MINK1: variants seen among roughly 807,000 people sequenced by gnomAD.
MINK1 encodes the protein misshapen like kinase 1.
Under a neutral mutation model 178.4 loss-of-function variants are expected in MINK1, and 46 were observed. That is an observed-to-expected ratio of 0.26 (90% CI 0.20 to 0.33). The LOEUF is 0.33. Among genes scored for constraint, MINK1 ranks in the 10% least tolerant of loss-of-function variants. The probability of loss-of-function intolerance (pLI) is 1.00; values close to 1 mark genes in which losing one functional copy is unlikely to be tolerated. For missense variants in MINK1, 1,366 were observed against 1,814.9 expected, an observed-to-expected ratio of 0.75 and a Z score of 4.49; for synonymous variants, 797 against 709.7, an observed-to-expected ratio of 1.12 and a Z score of -1.96.
intron 2 of MINK1, 42 bp downstream of exon 2, chr17:4,878,424 G>T (rs1967389396): frequency 2.0e-6 from 3 of 1,509,216 alleles, no homozygotes; most frequent in Non-Finnish European, 1.8e-6. Flanking sequence ...ACATCTGCAG[G>T]GCAGTCTTGG....
At position 4,891,200 on chromosome 17, in the gene MINK1, G is replaced by GCGCACA. The variant is rs781594150; in HGVS notation, c.1740+77_1740+78insGCACAC. The GCGCACA allele has an allele frequency of 3.2e-3, 3,258 of 1,003,458 alleles. 2 individuals carry two copies. The highest frequency in any genetic ancestry group is 0.013 in the Middle Eastern group (39 of 2,890). 62.2% of individuals were successfully genotyped at this position (1,003,458 alleles called of 1,614,324 possible). On this transcript the variant is annotated intron_variant, in intron 15 of 31. Coordinates refer to ENST00000355280, the MANE Select transcript of MINK1 (RefSeq NM_153827.5). ...AGAGCACAGGTACACACACACGCGC[G>GCGCACA]CACACACACACACACACACACACAC...
chr17:4,886,116 C>G lies in MINK1; in HGVS notation c.695-4C>G, dbSNP rs748841202. 6 of 1,613,864 alleles carry G rather than the reference C, an allele frequency of 3.7e-6. No individual in the cohort carries two copies. In the South Asian group the frequency reaches 6.6e-5, roughly 18 times the overall value. ...GGGACTGAGGGTGTCTCCTCTGTGT[C>G]CAGCTCTGTGTGACATGCACCCCAT... On this transcript the variant is annotated splice_polypyrimidine_tract_variant and splice_region_variant and intron_variant, in intron 8 of 31. Transcript: ENST00000355280. The surrounding 1 kb of genome is among the most constrained non-coding windows in gnomAD (Gnocchi z 6.1).
chr17:4,851,821 T>TA (rs556680517), intron 1 of MINK1, among the ~76,000 whole-genome samples: 10 of 152,006 alleles, frequency 6.6e-5, no homozygotes, highest in African/African-American at 2.2e-4. Context: ...ACCAACAAGG[T>TA]AAACCCTGTC....
chr17:4,865,415 C>G (rs1369309837), intron 1 of MINK1, among the ~76,000 whole-genome samples: 1 of 151,878 alleles, frequency 6.6e-6, no homozygotes, highest in Admixed American at 6.6e-5. Context: ...GCCTGGGCAA[C>G]AGGGTGAGAC....
At chr17:4,835,521 G>A (rs910766293) in intron 1 of MINK1, among the ~76,000 whole-genome samples, 1 of 152,210 alleles carries the variant, frequency 6.6e-6, no homozygotes, top group African/African-American at 2.4e-5. Flanking sequence ...CAGCTACTCA[G>A]GAGGCTGAGG....
chr17:4,879,416 C>T (rs1212884487), intron 2 of MINK1, among the ~76,000 whole-genome samples: 1 of 152,200 alleles, frequency 6.6e-6, no homozygotes, highest in Non-Finnish European at 1.5e-5. Flanking sequence ...TCGCTGAGAC[C>T]ACCTGCCTTT....
chr17:4,885,048 A>G lies in MINK1; in HGVS notation c.508+46A>G. The G allele has an allele frequency of 1.9e-6, 3 of 1,591,074 alleles. No homozygotes were observed. Among genetic ancestry groups the G allele is most frequent in the Non-Finnish European group, 2.6e-6 (3 of 1,161,462 alleles). ...GCTGACGAGGACCTTTCACCTCCAG[A>G]ACAGAGAATGAGGGGCCCCTTTTTC... On this transcript the variant is annotated intron_variant, in intron 6 of 31. Transcript: ENST00000355280. This position sits in a 1 kb window ranked among gnomAD's most constrained non-coding sequence, Gnocchi z 5.0.
In MINK1 at chr17:4,889,662, C is replaced by T; in HGVS notation, c.1246C>T (p.Arg416Trp). 1 of 1,564,308 alleles carries T rather than the reference C, an allele frequency of 6.4e-7. No individual in the cohort carries two copies. The highest frequency in any genetic ancestry group is 8.7e-7 in the Non-Finnish European group (1 of 1,156,066). Residue 416 changes from arginine to tryptophan, a missense_variant, in exon 13 of 32, where the codon CGG becomes TGG. Physicochemically the swap from Arg to Trp is moderately radical, Grantham distance 101. This residue lies in a region of MINK1 where 87 missense variants were observed against 78.9 expected (regional missense o/e 1.10). Transcript: ENST00000355280. Reference sequence around the variant, plus strand: ...CTCCCCACAGCAACAGCGGCGGGAGCGGGAGCAGCGGAAGCTGCAGGAGAA... The same window carrying T: ...CTCCCCACAGCAACAGCGGCGGGAGTGGGAGCAGCGGAAGCTGCAGGAGAA... Reference protein sequence around the residue: ...RRVEEQQRREREQRKLQEKEQ... With the variant: ...RRVEEQQRREWEQRKLQEKEQ...
chr17:4,854,357 G>A (rs1912677539), intron 1 of MINK1, among the ~76,000 whole-genome samples: 1 of 152,210 alleles, frequency 6.6e-6, no homozygotes, highest in South Asian at 2.1e-4. Flanking sequence ...CCAGACCAGG[G>A]CCCCTGTCTG....
chr17:4,833,590 G>C lies in MINK1; in HGVS notation c.7G>C (p.Asp3His). ...CCCGTTCCCCACGGAGGCCATGGGC[G>C]ACCCAGCCCCCGCCCGCAGCCTGGA... Reference protein sequence around the residue: MGDPAPARSLDDI... With the variant: MGHPAPARSLDDI... The change falls in exon 1 of 32, where the codon GAC (aspartate) becomes CAC (histidine). Residue 3 changes from aspartate (D) to histidine (H), a missense_variant. Around this residue, in one of 14 missense-constraint regions of MINK1, gnomAD observed 22 missense variants for 21.7 expected, o/e 1.01. Transcript: ENST00000355280. The surrounding 1 kb of genome is among the most constrained non-coding windows in gnomAD (Gnocchi z 4.8). 1 of 1,499,218 alleles carries C rather than the reference G, an allele frequency of 6.7e-7. No homozygotes were observed. Among genetic ancestry groups the C allele is most frequent in the South Asian group, 1.2e-5 (1 of 80,446 alleles). 92.9% of individuals were successfully genotyped at this position (1,499,218 alleles called of 1,614,324 possible). A position where few individuals can be genotyped will look rare whatever the true frequency, so the allele number is the denominator to read the frequency against.
At position 4,893,485 on chromosome 17, in the gene MINK1, A is replaced by C; in HGVS notation, c.2452A>C (p.Lys818Gln). The change falls in exon 21 of 32, where the codon AAG becomes CAG. Residue 818 changes from lysine (K) to glutamine (Q), a missense_variant. Physicochemically the swap from Lys to Gln is moderately conservative, Grantham distance 53 (BLOSUM62 1). Transcript: ENST00000355280. ...TCTGGACGAGGCCCCTCGGCCTCCC[A>C]AGAAGGCCATGGACTACTCGTCGTC... ...RTLDEAPRPP[K>Q]KAMDYSSSSE... The C allele has an allele frequency of 1.3e-6, 2 of 1,598,166 alleles. No individual in the cohort carries two copies. The highest frequency in any genetic ancestry group is 1.7e-6 in the Non-Finnish European group (2 of 1,167,654).
rs1434294961 is a variant in MINK1, at chr17:4,889,725, C to T, written c.1309C>T (p.Arg437Trp). 11 of 1,550,586 alleles carry T rather than the reference C, an allele frequency of 7.1e-6. No individual in the cohort carries two copies. Among genetic ancestry groups the T allele is most frequent in the Non-Finnish European group, 9.6e-6 (11 of 1,150,440 alleles). The change falls in exon 13 of 32, where the codon CGG (arginine) becomes TGG (tryptophan). Residue 437 changes from arginine (R) to tryptophan (W), a missense_variant. Around this residue, in one of 14 missense-constraint regions of MINK1, gnomAD observed 87 missense variants for 78.9 expected, o/e 1.10. Transcript: ENST00000355280. Reference sequence around the variant, plus strand: ...GCGGCTGGAGGACATGCAGGCTCTGCGGCGGGAGGAGGAGCGGCGGCAGGC... The same window carrying T: ...GCGGCTGGAGGACATGCAGGCTCTGTGGCGGGAGGAGGAGCGGCGGCAGGC... Reference protein sequence around the residue: ...QRRLEDMQALRREEERRQAER... With the variant: ...QRRLEDMQALWREEERRQAER...
chr17:4,892,580 C>G, intron 18 of MINK1, 68 bp downstream of exon 18: 1 of 1,536,508 alleles, frequency 6.5e-7, no homozygotes. Flanking sequence ...GGTGATGGCT[C>G]CCTCTGCAGT....
chr17:4,846,597 TC>T (rs2090422970), intron 1 of MINK1, among the ~76,000 whole-genome samples: 1 of 152,228 alleles, frequency 6.6e-6, no homozygotes, highest in African/African-American at 2.4e-5. Context: ...TGGATGTTGT[TC>T]CCATCACCAT....
intron 21 of MINK1, 158 bp from the exon 22 acceptor site, chr17:4,893,830 G>T: frequency 1.2e-6 from 1 of 859,018 alleles, no homozygotes; most frequent in Non-Finnish European, 1.8e-6. Flanking sequence ...GCCATGCAGG[G>T]AAGCACCTCA....
Position 4,886,876 on chromosome 17 carries a change from T to A in MINK1, c.950-234T>A, listed in dbSNP as rs1247640084. Reference sequence around the variant, plus strand: ...ACAAAAACTCCATGCTAAGCACATGTGTGTGCGAGCACAAGCACAGGCTCT... The same window carrying A: ...ACAAAAACTCCATGCTAAGCACATGAGTGTGCGAGCACAAGCACAGGCTCT... On this transcript the variant is annotated intron_variant, in intron 10 of 31. Transcript: ENST00000355280. This position sits in a 1 kb window ranked among gnomAD's most constrained non-coding sequence, Gnocchi z 6.1. 4.6e-5 allele frequency among the ~76,000 whole-genome samples: 7 copies of A among 152,226 alleles called. No homozygotes were observed. The East Asian group carries it at 1.2e-3, about 25-fold the overall frequency.
intron 1 of MINK1, among the ~76,000 whole-genome samples, chr17:4,869,244 TATTATTTATTTATTTA>T (rs1915510277): frequency 8.1e-6 from 1 of 123,694 alleles, no homozygotes; most frequent in African/African-American, 2.8e-5. Flanking sequence ...ATTTTTAAAT[TATTATTTATTTATTTA>T]TTTATTTATT....
rs758013494 is a variant in MINK1, at chr17:4,892,467, C to T, written c.2153C>T (p.Pro718Leu). The stretch of plus-strand genomic sequence containing the variant: ...CGGGCAGAGCGGGGCACCCCAAAGC[C>T]TCCAGGGCCCCCTGCTCAGCCCCCT... The part of the protein sequence containing the change: ...QRRAERGTPK[P>L]PGPPAQPPGP... The change falls in exon 18 of 32, where the codon CCT becomes CTT. Residue 718 changes from proline to leucine, a missense_variant. By Grantham distance (98) the Pro-to-Leu change is moderately conservative. Transcript: ENST00000355280. The T allele has an allele frequency of 1.9e-6, 3 of 1,565,662 alleles. No homozygotes were observed. The highest frequency in any genetic ancestry group is 2.7e-5 in the African/African-American group (2 of 73,458).
Position 4,896,956 on chromosome 17 carries a change from AC to A in MINK1, c.3915+145del. 1 of 1,155,722 alleles carries A rather than the reference AC, an allele frequency of 8.7e-7. No homozygotes were observed. The highest frequency in any genetic ancestry group is 1.2e-6 in the Non-Finnish European group (1 of 835,164). The allele number at this position is 1,155,722 out of a possible 1,614,324, so 71.6% of individuals were successfully genotyped here. ...GGAGCTCAGAGGGCAGTCAGCCACT[AC>A]CACTGCCCTGCGCTCCCTTCAGATT... On this transcript the variant is annotated intron_variant, in intron 31 of 31. Coordinates refer to ENST00000355280, the MANE Select transcript of MINK1 (RefSeq NM_153827.5). This position sits in a 1 kb window ranked among gnomAD's most constrained non-coding sequence, Gnocchi z 4.6.
Sources: gnomAD v4.1 joint callset for allele counts (sites outside exome capture counted in the v4.1 genomes callset) on GRCh38, gnomAD v4.1.1 for gene constraint, gnomAD v4.1.1 regional missense constraint, Gnocchi (gnomAD v3.1) non-coding constraint, MANE v1.5 for transcripts, NCBI Gene and HGNC (gene_info 2026-07-23, HGNC 2026-07-21) for gene names.